Variants in ZNF550 observed in about 807,000 individuals in gnomAD.
ZNF550 encodes zinc finger protein 550.
ZNF550 carries 42 observed loss-of-function variants against 40.2 expected under a neutral mutation model. The ratio of observed to expected loss-of-function variants is 1.05; its 90% CI spans 0.82 to 1.35. ZNF550 has a LOEUF of 1.35. Among genes scored for constraint, ZNF550 ranks in the 40% most tolerant of loss-of-function variants. The pLI, the probability that ZNF550 is intolerant of heterozygous loss-of-function variation, is 0.00. For synonymous variants in ZNF550, 223 were observed against 198.6 expected (o/e 1.12, Z -1.03); for missense variants, 549 against 525.2 (o/e 1.05, Z -0.44).
intron 2 of ZNF550, chr19:57,553,823 T>G (rs772694797): frequency 6.6e-6 from 1 of 152,212 alleles, no homozygotes; most frequent in Non-Finnish European, 1.5e-5. Flanking sequence ...GTGTGAGACC[T>G]GGGCATCAGT....
chr19:57,559,626 G>A (rs1408271559), intron 1 of ZNF550, 30 bp downstream of exon 1: 1 of 1,470,208 alleles, frequency 6.8e-7, no homozygotes, highest in Non-Finnish European at 9.1e-7. Flanking sequence ...GAGGCCGGGT[G>A]GCCGCGGGGA....
intron 4 of ZNF550, chr19:57,544,257 T>C (rs779281459): frequency 1.0e-6 from 1 of 985,322 alleles, no homozygotes; most frequent in Admixed American, 6.1e-5. Context: ...AGCAAGTTCA[T>C]AGTAGATCCT....
At chr19:57,544,461 C>T in intron 4 of ZNF550, 1 of 985,354 alleles carries the variant, frequency 1.0e-6, no homozygotes. Flanking sequence ...GAACCCAGGG[C>T]CTTAGGTACA....
At chr19:57,550,339 A>AGT (rs1485634456) in intron 3 of ZNF550, among the ~76,000 whole-genome samples, 1 of 152,234 alleles carries the variant, frequency 6.6e-6, no homozygotes, top group African/African-American at 2.4e-5. Flanking sequence ...AACAGAAATG[A>AGT]GTGTTTATAT....
chr19:57,543,061 CTA>C (rs1202317095), exon 5 of ZNF550: 6 of 192,052 alleles, frequency 3.1e-5, no homozygotes, highest in Non-Finnish European at 5.7e-5. Flanking sequence ...TTTAAAGAAA[CTA>C]TTAATTCCCT....
chr19:57,546,428 G>T, intron 4 of ZNF550: 1 of 924,444 alleles, frequency 1.1e-6, no homozygotes, highest in Non-Finnish European at 1.3e-6. Context: ...TTACAGGGAA[G>T]TCTGTAAGGA....
exon 4 of ZNF550, chr19:57,547,330 T>A (rs778705753): frequency 8.1e-6 from 13 of 1,614,158 alleles, no homozygotes; most frequent in Non-Finnish European, 1.0e-5. Flanking sequence ...GGTCCTATTA[T>A]GGCGAATAAA....
intron 3 of ZNF550, 97 bp from the exon 4 acceptor site, chr19:57,548,090 G>A: frequency 8.8e-7 from 1 of 1,139,130 alleles, no homozygotes; most frequent in Non-Finnish European, 1.3e-6. Flanking sequence ...GATGAAAATA[G>A]TGCCTATGAT....
exon 4 of ZNF550, chr19:57,547,088 G>A (rs768531686): frequency 2.7e-5 from 44 of 1,613,802 alleles, no homozygotes; most frequent in Non-Finnish European, 3.6e-5. Context: ...TGCTGAATGA[G>A]GTACGTGCTC....
chr19:57,543,938 C>T (rs2089985195), intron 4 of ZNF550: 2 of 984,322 alleles, frequency 2.0e-6, no homozygotes, highest in African/African-American at 3.5e-5. Context: ...AACTCTGTCT[C>T]AAAAACAAAA....
chr19:57,552,642 G>A (rs757376388), exon 3 of ZNF550: 32 of 1,597,512 alleles, frequency 2.0e-5, no homozygotes, highest in Non-Finnish European at 1.6e-5. Context: ...CAGGTAGCAT[G>A]TGAGAGGCCT....
chr19:57,552,192 G>A (rs1397706163), intron 3 of ZNF550, among the ~76,000 whole-genome samples: 3 of 152,194 alleles, frequency 2.0e-5, no homozygotes, highest in Non-Finnish European at 2.9e-5. Flanking sequence ...TGATTTTGTT[G>A]AGTAGAGGAG....
intron 3 of ZNF550, among the ~76,000 whole-genome samples, chr19:57,551,942 G>C (rs1317386911): frequency 6.6e-6 from 1 of 152,230 alleles, no homozygotes; most frequent in Non-Finnish European, 1.5e-5. Context: ...GACGGAGAGG[G>C]TGGAAAAGAG....
intron 4 of ZNF550, chr19:57,544,670 C>T (rs1262155328): frequency 1.1e-6 from 1 of 905,512 alleles, no homozygotes; most frequent in African/African-American, 1.8e-5. Context: ...AGGTACATGC[C>T]CACTATGAAA....
intron 3 of ZNF550, 67 bp downstream of exon 3, chr19:57,552,560 G>T: frequency 8.0e-7 from 1 of 1,244,652 alleles, no homozygotes; most frequent in Non-Finnish European, 1.1e-6. Context: ...GAAATTCAGA[G>T]GCAGTGGTGC....
At chr19:57,543,608 A>T in intron 4 of ZNF550, 1 of 985,282 alleles carries the variant, frequency 1.0e-6, no homozygotes, top group Non-Finnish European at 1.2e-6. Flanking sequence ...TTGTTCATTA[A>T]ATGTAACAAA....
chr19:57,557,496 A>C (rs912925404), intron 1 of ZNF550: 1 of 152,014 alleles, frequency 6.6e-6, no homozygotes, highest in Non-Finnish European at 1.5e-5. Context: ...CATCCCCCTC[A>C]TGGAGATGGT....
At chr19:57,547,684 G>A (rs945531887) in exon 4 of ZNF550, 25 of 1,614,186 alleles carry the variant, frequency 1.5e-5, no homozygotes, top group Non-Finnish European at 2.1e-5. Flanking sequence ...TGGTTGCTGT[G>A]AGTCACATTC....
chr19:57,556,054 G>T, intron 2 of ZNF550, 177 bp downstream of exon 2: 1 of 728,296 alleles, frequency 1.4e-6, no homozygotes, highest in Non-Finnish European at 2.3e-6. Flanking sequence ...GTGAGGGTTT[G>T]TGTTAAAAGG....
Sources: allele counts gnomAD v4.1 joint callset (sites outside exome capture counted in the v4.1 genomes callset), GRCh38; gene constraint gnomAD v4.1.1; transcripts MANE v1.5; gene names NCBI Gene and HGNC (gene_info 2026-07-23, HGNC 2026-07-21).